The following COL25A1 variants were observed in gnomAD, a reference collection of about 807,000 sequenced individuals.
COL25A1 encodes the protein collagen type XXV alpha 1 chain.
COL25A1 carries 103 observed loss-of-function variants against 128.4 expected under a neutral mutation model. The observed-to-expected ratio is 0.80, with a 90% CI of 0.68 to 0.94. COL25A1 has a LOEUF of 0.94. Ranked by LOEUF, COL25A1 falls within the 40% of genes least tolerant of loss-of-function variation. The pLI is 0.00. For missense variants in COL25A1, 745 were observed against 840.0 expected (o/e 0.89, Z 1.40); for synonymous variants, 279 against 277.2 (o/e 1.01, Z -0.06).
intron 5 of COL25A1, among the ~76,000 whole-genome samples, chr4:109,042,799 T>G (rs1156199): frequency 6.6e-6 from 1 of 151,844 alleles, no homozygotes; most frequent in East Asian, 1.9e-4. Context: ...TACTTCCACA[T>G]GATTTGCTTC....
intron 8 of COL25A1, among the ~76,000 whole-genome samples, chr4:108,953,420 T>G (rs1459960863): frequency 1.3e-5 from 2 of 152,202 alleles, no homozygotes; most frequent in Non-Finnish European, 2.9e-5. Context: ...GGCTAAAATA[T>G]TTATTGCAAT....
intron 3 of COL25A1, among the ~76,000 whole-genome samples, chr4:109,254,977 G>A (rs1578561605): frequency 1.3e-5 from 2 of 152,178 alleles, no homozygotes; most frequent in East Asian, 1.9e-4. Context: ...TTGCACTAAT[G>A]CAAATACAAG....
rs148998413 is a variant in COL25A1 at position 109,073,040 on chromosome 4, T to C, written c.368-22861A>G. ...TTTTCTCTGAGGACAGATTTACCAT[T>C]ATTCCTTCAGTTTCCAGATGGGATC... is the stretch of plus-strand genomic sequence containing the variant. On this transcript the variant is annotated intron_variant, in intron 3 of 37. Coordinates refer to ENST00000399132, the MANE Select transcript of COL25A1 (RefSeq NM_198721.4). Among the ~76,000 whole-genome samples, 900 of 152,282 alleles carry C rather than the reference T, an allele frequency of 5.9e-3. 31 individuals are homozygous for C. The highest frequency in any genetic ancestry group is 0.054 in the Admixed American group (830 of 15,276).
At chr4:109,149,387 A>G (rs149495583) in intron 3 of COL25A1, among the ~76,000 whole-genome samples, 4,914 of 152,252 alleles carry the variant, frequency 0.032, 116 homozygotes, top group Non-Finnish European at 0.049. Context: ...ACGTTCACCA[A>G]TGAATTTTTT....
chr4:109,255,729 C>T (rs957134442), intron 3 of COL25A1, among the ~76,000 whole-genome samples: 1 of 152,074 alleles, frequency 6.6e-6, no homozygotes, highest in African/African-American at 2.4e-5. Context: ...AAATAAATTC[C>T]TCTCATTAAA....
rs1466483882 is a variant in COL25A1, at chr4:108,812,232, A to G, written c.*1695T>C. On this transcript the variant is annotated 3_prime_UTR_variant, in exon 38 of 38. Coordinates refer to ENST00000399132, the MANE Select transcript of COL25A1 (RefSeq NM_198721.4). ...TTTCTTTATGGCAACTATATTTCAC[A>G]GCTTTCTGAGATCTTAGATTTGGTC... 1.3e-5 allele frequency: 2 copies of G among 152,210 alleles called. No individual in the cohort carries two copies. The highest frequency in any genetic ancestry group is 2.9e-5 in the Non-Finnish European group (2 of 68,026). 9.4% of individuals were successfully genotyped at this position (152,210 alleles called of 1,614,324 possible). A position where few individuals can be genotyped will look rare whatever the true frequency, so the allele number is the denominator to read the frequency against.
chr4:109,295,553 C>A (rs1405583938), intron 3 of COL25A1, among the ~76,000 whole-genome samples: 1 of 152,078 alleles, frequency 6.6e-6, no homozygotes, highest in Non-Finnish European at 1.5e-5. Context: ...TTGATGCACT[C>A]TTTCCATAGA....
At chr4:109,293,178 T>C (rs1054249599) in intron 3 of COL25A1, among the ~76,000 whole-genome samples, 4 of 152,020 alleles carry the variant, frequency 2.6e-5, no homozygotes, top group African/African-American at 9.7e-5. Context: ...TATTTCACTG[T>C]AGCATCTTAA....
intron 3 of COL25A1, among the ~76,000 whole-genome samples, chr4:109,188,344 G>T (rs1349532519): frequency 1.3e-5 from 2 of 152,162 alleles, no homozygotes; most frequent in African/African-American, 4.8e-5. Flanking sequence ...CTGGGAACAC[G>T]TGGTGGTGCT....
chr4:109,249,444 G>T (rs1160454101), intron 3 of COL25A1, among the ~76,000 whole-genome samples: 1 of 152,058 alleles, frequency 6.6e-6, no homozygotes, highest in African/African-American at 2.4e-5. Flanking sequence ...TGGGGTGGGT[G>T]GGGAGGGAAT....
intron 6 of COL25A1, among the ~76,000 whole-genome samples, chr4:108,986,153 A>G (rs955451205): frequency 6.6e-6 from 1 of 152,198 alleles, no homozygotes; most frequent in African/African-American, 2.4e-5. Context: ...TAACTGGAAT[A>G]ATCTACAAGC....
Position 109,103,222 on chromosome 4 carries a change from T to G in COL25A1, c.368-53043A>C, listed in dbSNP as rs1348551183. Among the ~76,000 whole-genome samples, 3 of 152,164 alleles carry G rather than the reference T, an allele frequency of 2.0e-5. No individual in the cohort carries two copies. The South Asian group carries it at 6.2e-4, about 32-fold the overall frequency. ...ACAAATAAGAAACCATAATAAAAAT[T>G]CAATGTTTTCATAGAAAGTTCATTC... On this transcript the variant is annotated intron_variant, in intron 3 of 37. Coordinates refer to ENST00000399132, the MANE Select transcript of COL25A1 (RefSeq NM_198721.4).
chr4:109,269,985 T>C (rs1397908890), intron 3 of COL25A1, among the ~76,000 whole-genome samples: 1 of 152,100 alleles, frequency 6.6e-6, no homozygotes, highest in Non-Finnish European at 1.5e-5. Flanking sequence ...ATTATCTCAA[T>C]AGATGCAGAA....
intron 3 of COL25A1, among the ~76,000 whole-genome samples, chr4:109,185,406 G>A (rs1458705267): frequency 6.6e-6 from 1 of 152,194 alleles, no homozygotes; most frequent in African/African-American, 2.4e-5. Flanking sequence ...GACTCAGGAA[G>A]AGTAAATAAC....
intron 8 of COL25A1, among the ~76,000 whole-genome samples, chr4:108,964,369 A>G (rs905772197): frequency 6.6e-6 from 1 of 151,812 alleles, no homozygotes; most frequent in African/African-American, 2.4e-5. Context: ...TCACTACTAT[A>G]CTATTTTATA....
intron 3 of COL25A1, among the ~76,000 whole-genome samples, chr4:109,241,373 T>C (rs1560917817): frequency 6.6e-6 from 1 of 152,082 alleles, no homozygotes; most frequent in Admixed American, 6.6e-5. Flanking sequence ...ATATGGTTTG[T>C]GTTTTCTAGA....
At chr4:109,225,028 T>C (rs1448356629) in intron 3 of COL25A1, among the ~76,000 whole-genome samples, 2 of 152,114 alleles carry the variant, frequency 1.3e-5, no homozygotes, top group African/African-American at 4.8e-5. Flanking sequence ...CAGCCTAGAG[T>C]AAGTCCCTAG....
chr4:109,200,578 C>G (rs1448472153), intron 3 of COL25A1, among the ~76,000 whole-genome samples: 1 of 151,956 alleles, frequency 6.6e-6, no homozygotes, highest in African/African-American at 2.4e-5. Flanking sequence ...CTGCCTCAGC[C>G]TAGCTGGGAC....
intron 9 of COL25A1, among the ~76,000 whole-genome samples, chr4:108,940,863 C>A (rs552554555): frequency 7.2e-5 from 11 of 152,194 alleles, no homozygotes; most frequent in Non-Finnish European, 1.5e-4. Context: ...AAAATCAAAG[C>A]AGTTCAGGAA....
Sources: allele counts gnomAD v4.1 joint callset (sites outside exome capture counted in the v4.1 genomes callset), GRCh38; gene constraint gnomAD v4.1.1; transcripts MANE v1.5; gene names NCBI Gene and HGNC (gene_info 2026-07-23, HGNC 2026-07-21).